WNT7B: variants seen among roughly 807,000 people sequenced by gnomAD.
The protein encoded by WNT7B is protein Wnt-7b.
A neutral mutation model predicts 38.2 loss-of-function variants in WNT7B; 19 were observed. The ratio of observed to expected loss-of-function variants is 0.50; its 90% CI spans 0.35 to 0.73. WNT7B has a LOEUF of 0.73. Among genes scored for constraint, WNT7B ranks in the 30% least tolerant of loss-of-function variants. The pLI is 0.01. For missense variants in WNT7B, 423 were observed against 507.9 expected, an observed-to-expected ratio of 0.83 and a Z score of 1.61; for synonymous variants, 243 against 209.3, an observed-to-expected ratio of 1.16 and a Z score of -1.39.
chr22:45,966,354 AC>A lies in WNT7B; in HGVS notation c.71+10329del, dbSNP rs555140909. ...GCCTCCTCACCCTGGCCACGCCAAT[AC>A]CCACTGCGCGGAGGCCAGCTGAGAC... On this transcript the variant is annotated intron_variant, in intron 1 of 3. Coordinates refer to ENST00000339464, the MANE Select transcript of WNT7B (RefSeq NM_058238.3). This position sits in a 1 kb window ranked among gnomAD's most constrained non-coding sequence, Gnocchi z 4.2. 1.9e-3 allele frequency among the ~76,000 whole-genome samples: 295 copies of A among 152,254 alleles called. 2 individuals are homozygous for A. Among genetic ancestry groups the A allele is most frequent in the African/African-American group, 6.2e-3 (258 of 41,552 alleles).
intron 2 of WNT7B, among the ~76,000 whole-genome samples, chr22:45,933,617 G>A (rs1323542168): frequency 1.3e-5 from 2 of 152,150 alleles, no homozygotes; most frequent in African/African-American, 4.8e-5. Flanking sequence ...GGTGGAGAAG[G>A]GCCACAGAGG....
intron 2 of WNT7B, among the ~76,000 whole-genome samples, chr22:45,933,304 A>G (rs1343955911): frequency 6.6e-6 from 1 of 152,194 alleles, no homozygotes; most frequent in Non-Finnish European, 1.5e-5. Context: ...TGCAGGCAGC[A>G]CAGCCCCTGC....
At chr22:45,933,737 G>A (rs1342379327) in intron 2 of WNT7B, among the ~76,000 whole-genome samples, 1 of 152,212 alleles carries the variant, frequency 6.6e-6, no homozygotes, top group East Asian at 1.9e-4. Context: ...CAAGGAGCAT[G>A]GATTCGCTTG....
intron 3 of WNT7B, among the ~76,000 whole-genome samples, chr22:45,923,980 G>A (rs1344547033): frequency 6.6e-6 from 1 of 152,220 alleles, no homozygotes; most frequent in African/African-American, 2.4e-5. Flanking sequence ...AGCTCCACAA[G>A]GGCCCTCCAC....
rs142727865 is a variant in WNT7B, at chr22:45,939,568, C to T, written c.299-8199G>A. 1.2e-3 allele frequency among the ~76,000 whole-genome samples: 181 copies of T among 152,010 alleles called. 4 individuals are homozygous for T. The East Asian group carries it at 0.024, about 20-fold the overall frequency. ...CAACACTTTGGGAAGCTGAGATGGGCGGATGCCTTAAGCCCAGGAGTTTGA... is the reference window on the plus strand; with the variant it reads ...CAACACTTTGGGAAGCTGAGATGGGTGGATGCCTTAAGCCCAGGAGTTTGA... On this transcript the variant is annotated intron_variant, in intron 2 of 3. Coordinates refer to ENST00000339464, the MANE Select transcript of WNT7B (RefSeq NM_058238.3).
At chr22:45,930,391 C>T (rs979748517) in intron 3 of WNT7B, among the ~76,000 whole-genome samples, 5 of 152,168 alleles carry the variant, frequency 3.3e-5, no homozygotes, top group Admixed American at 1.3e-4. Flanking sequence ...CCCCAGGCCT[C>T]GGAGCCGGAG....
chr22:45,949,268 T>C (rs1371893080), intron 2 of WNT7B, among the ~76,000 whole-genome samples: 1 of 152,198 alleles, frequency 6.6e-6, no homozygotes, highest in Non-Finnish European at 1.5e-5. Context: ...AGCAGGGATC[T>C]TGCCAGCCCA....
At chr22:45,955,702 T>C (rs1932043056) in intron 1 of WNT7B, among the ~76,000 whole-genome samples, 2 of 152,026 alleles carry the variant, frequency 1.3e-5, no homozygotes, top group Admixed American at 6.5e-5. Flanking sequence ...AGATGCCAGG[T>C]GGGATGGGCA....
At chr22:45,941,252 G>A (rs1174530063) in intron 2 of WNT7B, among the ~76,000 whole-genome samples, 3 of 152,212 alleles carry the variant, frequency 2.0e-5, no homozygotes, top group Admixed American at 6.5e-5. Flanking sequence ...GCTCACGCCT[G>A]TAATCCCGGC....
intron 3 of WNT7B, among the ~76,000 whole-genome samples, chr22:45,927,834 T>G (rs1483268423): frequency 6.6e-6 from 1 of 152,116 alleles, no homozygotes; most frequent in Non-Finnish European, 1.5e-5. Flanking sequence ...AGGCAGAGGT[T>G]GCGGTGAGCA....
chr22:45,974,707 C>T (rs1932516738), intron 1 of WNT7B, among the ~76,000 whole-genome samples: 2 of 152,170 alleles, frequency 1.3e-5, no homozygotes, highest in African/African-American at 2.4e-5. Flanking sequence ...CTGCTTCACT[C>T]TTACCCCCTC....
intron 2 of WNT7B, among the ~76,000 whole-genome samples, chr22:45,934,998 C>T (rs886565103): frequency 3.3e-5 from 5 of 152,150 alleles, no homozygotes; most frequent in African/African-American, 7.2e-5. Context: ...GGGGAGGGCC[C>T]GTTACCCCAT....
chr22:45,951,534 C>G lies in WNT7B; in HGVS notation c.72-1388G>C, dbSNP rs1299895613. On this transcript the variant is annotated intron_variant, in intron 1 of 3. Coordinates refer to ENST00000339464, the MANE Select transcript of WNT7B (RefSeq NM_058238.3). This position sits in a 1 kb window ranked among gnomAD's most constrained non-coding sequence, Gnocchi z 4.8. The stretch of plus-strand genomic sequence containing the variant: ...CACCCCAGAAGGAAACTGTACCCAT[C>G]AGTCACTCCCCGTTCTCCCCTCCCC... Among the ~76,000 whole-genome samples, 2 of 151,906 alleles carry G rather than the reference C, an allele frequency of 1.3e-5. No individual in the cohort carries two copies. The highest frequency in any genetic ancestry group is 2.9e-5 in the Non-Finnish European group (2 of 68,034).
intron 3 of WNT7B, chr22:45,925,270 C>T (rs1307773457): frequency 2.0e-6 from 2 of 985,160 alleles, no homozygotes; most frequent in Non-Finnish European, 2.4e-6. Flanking sequence ...CAGGTGGGTG[C>T]CGGGTGGGCC....
intron 2 of WNT7B, among the ~76,000 whole-genome samples, chr22:45,933,061 CTCAGCCAGGTGGGGGT>C (rs1187375683): frequency 6.6e-6 from 1 of 152,202 alleles, no homozygotes; most frequent in East Asian, 1.9e-4. Context: ...CTGCTGGGGG[CTCAGCCAGGTGGGGGT>C]CCCTCTTCCC....
chr22:45,922,730 T>A lies in WNT7B; in HGVS notation c.*126A>T. The stretch of plus-strand genomic sequence containing the variant: ...GCCCCGGCCGGTGCCCTCCTGCACC[T>A]GGAGCTCCCCGCTTCTGCACCCGTC... On this transcript the variant is annotated 3_prime_UTR_variant, in exon 4 of 4. Transcript: ENST00000339464. The A allele has an allele frequency of 1.2e-5, 17 of 1,427,398 alleles. No homozygotes were observed. The highest frequency in any genetic ancestry group is 2.5e-5 in the East Asian group (1 of 40,638). The allele number at this position is 1,427,398 out of a possible 1,614,324, so 88.4% of individuals were successfully genotyped here.
chr22:45,932,527 G>T (rs1931398400), intron 2 of WNT7B, among the ~76,000 whole-genome samples: 1 of 152,090 alleles, frequency 6.6e-6, no homozygotes, highest in Non-Finnish European at 1.5e-5. Context: ...TTCCATATGG[G>T]TCCGAAGACC....
intron 3 of WNT7B, among the ~76,000 whole-genome samples, chr22:45,928,024 G>A (rs993710520): frequency 2.0e-5 from 3 of 152,210 alleles, no homozygotes; most frequent in African/African-American, 7.2e-5. Flanking sequence ...GAGCCAGGAA[G>A]TCTCCTCCCC....
intron 2 of WNT7B, among the ~76,000 whole-genome samples, chr22:45,932,881 A>C (rs957401947): frequency 7.2e-5 from 11 of 152,202 alleles, no homozygotes; most frequent in Admixed American, 7.2e-4. Context: ...GAGCACCTGC[A>C]CAGCCCTCAG....
Sources: gnomAD v4.1 joint callset for allele counts (sites outside exome capture counted in the v4.1 genomes callset) on GRCh38, gnomAD v4.1.1 for gene constraint, Gnocchi (gnomAD v3.1) non-coding constraint, MANE v1.5 for transcripts, NCBI Gene and HGNC (gene_info 2026-07-23, HGNC 2026-07-21) for gene names.